Variants in LRPPRC observed in about 807,000 individuals in gnomAD.
The protein encoded by LRPPRC is leucine rich pentatricopeptide repeat containing.
LRPPRC carries 120 observed loss-of-function variants against 180.3 expected under a neutral mutation model. The observed-to-expected ratio is 0.67, with a 90% CI of 0.57 to 0.77. The LOEUF (loss-of-function observed/expected upper bound fraction) is 0.77. Among genes scored for constraint, LRPPRC ranks in the 30% least tolerant of loss-of-function variants. The pLI, the probability that LRPPRC is intolerant of heterozygous loss-of-function variation, is 0.00. For missense variants in LRPPRC, 2,012 were observed against 1,657.2 expected (o/e 1.21, Z -3.72); for synonymous variants, 723 against 600.0 (o/e 1.21, Z -3.00).
intron 25 of LRPPRC, among the ~76,000 whole-genome samples, chr2:43,931,078 A>C (rs1480233503): frequency 3.3e-5 from 5 of 152,182 alleles, no homozygotes; most frequent in Admixed American, 3.3e-4. Context: ...ATGATGTATG[A>C]AATGTTACCA....
At chr2:43,938,639 C>T (rs1345292595) in intron 23 of LRPPRC, among the ~76,000 whole-genome samples, 3 of 152,160 alleles carry the variant, frequency 2.0e-5, no homozygotes, top group East Asian at 1.9e-4. Context: ...GATAGTACCA[C>T]TCATTTGAGT....
chr2:43,916,557 T>C (rs1390941082), intron 29 of LRPPRC, among the ~76,000 whole-genome samples: 1 of 152,224 alleles, frequency 6.6e-6, no homozygotes, highest in Non-Finnish European at 1.5e-5. Flanking sequence ...AAGTAAGTTA[T>C]AATATGTGCC....
At chr2:43,996,199 C>A (rs988833479), upstream of LRPPRC, among the ~76,000 whole-genome samples, 1 of 152,220 alleles carries the variant, frequency 6.6e-6, no homozygotes, top group African/African-American at 2.4e-5. Flanking sequence ...CGTCTCCGAT[C>A]TGGGCATCGT....
Position 43,891,052 on chromosome 2 carries a change from A to G in LRPPRC, c.3986-1176T>C, listed in dbSNP as rs1286582842. On this transcript the variant is annotated intron_variant, in intron 36 of 37. Coordinates refer to ENST00000260665, the MANE Select transcript of LRPPRC (RefSeq NM_133259.4). ...GTTCAGCAATCAAAGAGTCTCCCAA[A>G]GTGGAATGAGGGTGACTCATCAGCT... Among the ~76,000 whole-genome samples the G allele has an allele frequency of 2.6e-5, 4 of 152,210 alleles. No homozygotes were observed. The East Asian group carries it at 7.7e-4, about 29-fold the overall frequency.
chr2:43,959,671 G>C lies in LRPPRC; in HGVS notation c.1582+870C>G, dbSNP rs374110057. ...TGTAATCCCAGCACTTTGGGAGGCT[G>C]AGGCAGGCGGATCACTTGTGGTCAG... On this transcript the variant is annotated intron_variant, in intron 13 of 37. Transcript: ENST00000260665. Among the ~76,000 whole-genome samples the C allele has an allele frequency of 9.2e-5, 14 of 152,278 alleles. No homozygotes were observed. In the South Asian group the frequency reaches 1.7e-3, roughly 18 times the overall value.
At position 43,894,648 on chromosome 2, in the gene LRPPRC, G is replaced by A. The variant is rs760298482; in HGVS notation, c.3901-19C>T. On this transcript the variant is annotated intron_variant, in intron 35 of 37. Transcript: ENST00000260665. Reference sequence around the variant, plus strand: ...TTGATGCCTAGGAAATTACATAAAGGTAATATTATGAAAACCGCAAATTAA... The same window carrying A: ...TTGATGCCTAGGAAATTACATAAAGATAATATTATGAAAACCGCAAATTAA... 2 of 1,291,442 alleles carry A rather than the reference G, an allele frequency of 1.5e-6. No homozygotes were observed. Among genetic ancestry groups the A allele is most frequent in the South Asian group, 1.2e-5 (1 of 84,236 alleles). 80.0% of individuals were successfully genotyped at this position (1,291,442 alleles called of 1,614,324 possible).
At chr2:43,898,667 T>A (rs1211354635) in intron 34 of LRPPRC, among the ~76,000 whole-genome samples, 2 of 152,124 alleles carry the variant, frequency 1.3e-5, no homozygotes, top group Non-Finnish European at 2.9e-5. Context: ...CACAGAGACC[T>A]GCATTTGTCA....
Position 43,976,974 on chromosome 2 carries a change from A to G in LRPPRC, c.650+20T>C. 2 of 1,603,788 alleles carry G rather than the reference A, an allele frequency of 1.2e-6. No homozygotes were observed. Among genetic ancestry groups the G allele is most frequent in the Non-Finnish European group, 1.7e-6 (2 of 1,170,852 alleles). On this transcript the variant is annotated intron_variant, in intron 5 of 37. Transcript: ENST00000260665. The stretch of plus-strand genomic sequence containing the variant: ...AATGTACAAATTTGTTCGCTTAAAC[A>G]TGTTCATACAGATCCATACCTGGCA...
chr2:43,901,246 T>C, intron 32 of LRPPRC, 74 bp downstream of exon 32: 1 of 1,235,182 alleles, frequency 8.1e-7, no homozygotes. Context: ...CTAAAAAAGT[T>C]TTTAAAAGGT....
intron 1 of LRPPRC, among the ~76,000 whole-genome samples, chr2:43,985,200 C>T (rs1473628840): frequency 6.6e-6 from 1 of 151,806 alleles, no homozygotes; most frequent in African/African-American, 2.4e-5. Flanking sequence ...AGAAAAAAAC[C>T]CACAATTTTT....
chr2:43,901,879 T>A (rs1287095481), intron 31 of LRPPRC: 2 of 233,390 alleles, frequency 8.6e-6, no homozygotes, highest in African/African-American at 2.3e-5. Context: ...ATGTGTGACT[T>A]CTATCCATGT....
chr2:43,963,750 T>C (rs780505205), intron 11 of LRPPRC, 44 bp from the exon 12 acceptor site: 11 of 1,031,002 alleles, frequency 1.1e-5, no homozygotes, highest in Non-Finnish European at 1.4e-5. Flanking sequence ...GAACTTAGAA[T>C]AAAGTAAGAA....
At chr2:43,983,409 C>G (rs1260568001) in intron 1 of LRPPRC, among the ~76,000 whole-genome samples, 1 of 152,016 alleles carries the variant, frequency 6.6e-6, no homozygotes, top group Non-Finnish European at 1.5e-5. Flanking sequence ...TTCCCATATA[C>G]TTTCTTCTCT....
chr2:43,960,646 G>A lies in LRPPRC; in HGVS notation c.1489-12C>T. 7.6e-7 allele frequency: 1 copy of A among 1,321,398 alleles called. No individual in the cohort carries two copies. The allele number at this position is 1,321,398 out of a possible 1,614,324, so 81.9% of individuals were successfully genotyped here. ...AGACATCCATTTTCCTGGAGATAAA[G>A]CATATATCAATGAGAATACATCTCA... is the stretch of plus-strand genomic sequence containing the variant. On this transcript the variant is annotated splice_polypyrimidine_tract_variant and intron_variant, in intron 12 of 37. Coordinates refer to ENST00000260665, the MANE Select transcript of LRPPRC (RefSeq NM_133259.4).
At chr2:43,901,196 C>A (rs999123367) in intron 32 of LRPPRC, 124 bp downstream of exon 32, 2 of 710,340 alleles carry the variant, frequency 2.8e-6, no homozygotes, top group Admixed American at 2.1e-5. Context: ...CAGCAACTAG[C>A]ATCAACATTT....
chr2:43,951,792 T>C (rs932883529), intron 14 of LRPPRC, among the ~76,000 whole-genome samples: 5 of 152,066 alleles, frequency 3.3e-5, no homozygotes, highest in African/African-American at 1.2e-4. Flanking sequence ...AATTTTGTAC[T>C]TCTATTTTAA....
intron 3 of LRPPRC, 135 bp from the exon 4 acceptor site, chr2:43,977,411 C>A: frequency 1.5e-6 from 1 of 647,514 alleles, no homozygotes; most frequent in Non-Finnish European, 2.7e-6. Flanking sequence ...GCGCTCAGAC[C>A]TATCTACACA....
chr2:43,967,037 C>T (rs1673590777), intron 11 of LRPPRC, among the ~76,000 whole-genome samples: 1 of 152,054 alleles, frequency 6.6e-6, no homozygotes, highest in Non-Finnish European at 1.5e-5. Flanking sequence ...GGTGACAGAG[C>T]CTCCATAACT....
chr2:43,891,952 A>G (rs952299863), intron 36 of LRPPRC, among the ~76,000 whole-genome samples: 10 of 152,250 alleles, frequency 6.6e-5, no homozygotes, highest in African/African-American at 2.2e-4. Context: ...CAGCCTTACT[A>G]GTGACATGGA....
Sources: gnomAD v4.1 joint callset for allele counts (sites outside exome capture counted in the v4.1 genomes callset) on GRCh38, gnomAD v4.1.1 for gene constraint, MANE v1.5 for transcripts, NCBI Gene and HGNC (gene_info 2026-07-23, HGNC 2026-07-21) for gene names.